The following NUMA1 variants were observed in gnomAD, a reference collection of about 807,000 sequenced individuals.
NUMA1 encodes the protein nuclear mitotic apparatus protein 1.
In NUMA1, 62 loss-of-function variants were observed where a neutral mutation model predicts 237.1. That is an observed-to-expected ratio of 0.26 (90% CI 0.21 to 0.32). NUMA1 has a LOEUF of 0.32. Among genes scored for constraint, NUMA1 ranks in the 10% least tolerant of loss-of-function variants. NUMA1 has a pLI of 1.00. For missense variants in NUMA1, 2,533 were observed against 2,666.5 expected (o/e 0.95, Z 1.10); for synonymous variants, 1,028 against 1,066.1 (o/e 0.96, Z 0.70).
rs368467123 is a variant in NUMA1, at chr11:72,061,352, T to C, written c.-33+8490A>G. 1.1e-4 allele frequency among the ~76,000 whole-genome samples: 16 copies of C among 152,236 alleles called. 1 individual carries two copies. Among genetic ancestry groups the C allele is most frequent in the South Asian group, 4.1e-4 (2 of 4,824 alleles). On this transcript the variant is annotated intron_variant, in intron 2 of 26. Coordinates refer to ENST00000393695, the MANE Select transcript of NUMA1 (RefSeq NM_006185.4). ...CATTTTCAAATAACTTTATATGCAG[T>C]ATAGGTCTGGTATATAATCCCAAAG...
At chr11:72,066,229 C>T (rs370535797) in intron 2 of NUMA1, 15 of 152,114 alleles carry the variant, frequency 9.9e-5, no homozygotes, top group African/African-American at 2.7e-4. Flanking sequence ...TCGCTTGAAC[C>T]CAGGAGGCGG....
chr11:72,003,471 A>C lies in NUMA1; in HGVS notation c.*56T>G. ...CACTGAGAGGGACAGTAGGCGGAGG[A>C]CCAGGTGAGGTCAGCATCGGGGACA... On this transcript the variant is annotated 3_prime_UTR_variant, in exon 27 of 27. Transcript: ENST00000393695. 7 of 1,561,650 alleles carry C rather than the reference A, an allele frequency of 4.5e-6. No individual in the cohort carries two copies. Among genetic ancestry groups the C allele is most frequent in the Non-Finnish European group, 6.2e-6 (7 of 1,131,936 alleles).
chr11:72,010,210 T>C (rs1447360760), intron 17 of NUMA1, among the ~76,000 whole-genome samples: 1 of 152,240 alleles, frequency 6.6e-6, no homozygotes, highest in Non-Finnish European at 1.5e-5. Flanking sequence ...TGAGTCCCAA[T>C]GCCACTGGTG....
Position 72,018,473 on chromosome 11 carries a change from T to C in NUMA1, c.783A>G (p.Leu261=), listed in dbSNP as rs1938226090. 1 of 1,614,192 alleles carries C rather than the reference T, an allele frequency of 6.2e-7. No homozygotes were observed. Among genetic ancestry groups the C allele is most frequent in the Non-Finnish European group, 8.5e-7 (1 of 1,180,034 alleles). ...IAMMQQRIDR[L]ALLNEKQAAS... Reference sequence around the variant, plus strand: ...CCGCCTGCTTCTCATTCAGCAGGGCTAGGCGGTCAATGCGCTGCTGCATCA... The same window carrying C: ...CCGCCTGCTTCTCATTCAGCAGGGCCAGGCGGTCAATGCGCTGCTGCATCA... The change falls in exon 11 of 27, where the codon CTA becomes CTG. Residue 261 remains leucine (L), a synonymous_variant. Transcript: ENST00000393695.
chr11:72,021,122 C>G (rs985449992), intron 8 of NUMA1, 82 bp downstream of exon 8: 2 of 1,148,434 alleles, frequency 1.7e-6, no homozygotes, highest in Non-Finnish European at 2.6e-6. Context: ...AGAAACAAAC[C>G]CCCACCATAC....
rs772533343 is a variant in NUMA1, at chr11:72,035,931, C to T, written c.13G>A (p.Ala5Thr). The T allele has an allele frequency of 2.7e-5, 43 of 1,613,934 alleles. No individual in the cohort carries two copies. The highest frequency in any genetic ancestry group is 1.6e-4 in the Middle Eastern group (1 of 6,068). MTLHATRGAALLSWV... is the reference protein window; with the variant it reads MTLHTTRGAALLSWV... ...GAGAGGAGTGCAGCCCCCCGGGTGG[C>T]GTGGAGTGTCATCTTGGTGATGCCA... The change falls in exon 3 of 27, where the codon GCC becomes ACC. Residue 5 changes from alanine (A) to threonine (T), a missense_variant. Physicochemically the swap from Ala to Thr is moderately conservative, Grantham distance 58 (BLOSUM62 0). This residue lies in a region of NUMA1 where 1,414 missense variants were observed against 1,508.1 expected (regional missense o/e 0.94). Coordinates refer to ENST00000393695, the MANE Select transcript of NUMA1 (RefSeq NM_006185.4).
chr11:72,012,586 C>G (rs1021681937), intron 15 of NUMA1, 144 bp from the exon 16 acceptor site: 3 of 833,040 alleles, frequency 3.6e-6, no homozygotes, highest in Admixed American at 2.3e-5. Flanking sequence ...GCCAGTTAGG[C>G]TGATTCTAAT....
At chr11:72,055,929 A>G (rs1942610840) in intron 2 of NUMA1, among the ~76,000 whole-genome samples, 1 of 151,448 alleles carries the variant, frequency 6.6e-6, no homozygotes, top group Non-Finnish European at 1.5e-5. Context: ...CAGCCTGACC[A>G]ACATGGTAAA....
Position 72,008,724 on chromosome 11 carries a change from A to G in NUMA1, c.5180T>C (p.Leu1727Pro), listed in dbSNP as rs1054552802. The G allele has an allele frequency of 9.9e-6, 16 of 1,614,070 alleles. No individual in the cohort carries two copies. The highest frequency in any genetic ancestry group is 1.3e-5 in the Non-Finnish European group (15 of 1,180,008). ...GAGTGGGGTCCCCTCCTCGCAGCTC[A>G]GATCCAGGCTGTCAATACTCAAGTC... ...QLDLSIDSLD[L>P]SCEEGTPLSI... The change falls in exon 20 of 27, where the codon CTG becomes CCG. Residue 1727 changes from leucine to proline, a missense_variant. Physicochemically the swap from Leu to Pro is moderately conservative, Grantham distance 98 (BLOSUM62 -3). Around this residue, in one of 3 missense-constraint regions of NUMA1, gnomAD observed 795 missense variants for 750.8 expected, o/e 1.06. Transcript: ENST00000393695.
intron 2 of NUMA1, among the ~76,000 whole-genome samples, chr11:72,055,805 C>T (rs865881955): frequency 1.3e-5 from 2 of 151,024 alleles, no homozygotes; most frequent in South Asian, 4.2e-4. Flanking sequence ...CAAAGCAAGA[C>T]CCCCATCTCT....
chr11:72,013,947 C>T lies in NUMA1; in HGVS notation c.3556G>A (p.Ala1186Thr). 1 of 1,613,866 alleles carries T rather than the reference C, an allele frequency of 6.2e-7. No homozygotes were observed. Among genetic ancestry groups the T allele is most frequent in the Non-Finnish European group, 8.5e-7 (1 of 1,180,028 alleles). The change falls in exon 15 of 27, where the codon GCC (alanine) becomes ACC (threonine). Residue 1186 changes from alanine (A) to threonine (T), a missense_variant. Ala to Thr is a moderately conservative substitution (Grantham distance 58, BLOSUM62 0). Around this residue, in one of 3 missense-constraint regions of NUMA1, gnomAD observed 1,414 missense variants for 1,508.1 expected, o/e 0.94. Coordinates refer to ENST00000393695, the MANE Select transcript of NUMA1 (RefSeq NM_006185.4). The surrounding 1 kb of genome is among the most constrained non-coding windows in gnomAD (Gnocchi z 6.8). ...QELGHSQSAL[A>T]SAQRELAAFR... ...GCAGCCAACTCCCGTTGGGCCGAGG[C>T]TAAGGCACTCTGACTGTGCCCTAGC...
At chr11:72,038,762 C>A (rs1941333549) in intron 2 of NUMA1, among the ~76,000 whole-genome samples, 1 of 152,004 alleles carries the variant, frequency 6.6e-6, no homozygotes, top group East Asian at 1.9e-4. Context: ...GAGATCCACC[C>A]CAGCTGGATC....
At chr11:72,019,031 C>G in intron 9 of NUMA1, 51 bp from the exon 10 acceptor site, 4 of 1,596,914 alleles carry the variant, frequency 2.5e-6, no homozygotes, top group Non-Finnish European at 3.4e-6. Flanking sequence ...AGATCTGAAG[C>G]AATCAGCAAC....
intron 4 of NUMA1, among the ~76,000 whole-genome samples, chr11:72,025,327 G>A (rs1399135575): frequency 1.3e-5 from 2 of 152,000 alleles, no homozygotes; most frequent in African/African-American, 2.4e-5. Context: ...CAGGAGAACT[G>A]CTTCAACCCA....
chr11:72,012,438 T>C lies in NUMA1; in HGVS notation c.4613A>G (p.Glu1538Gly). The change falls in exon 16 of 27, where the codon GAG (glutamate) becomes GGG (glycine). Residue 1538 changes from glutamate to glycine, a missense_variant. Physicochemically the swap from Glu to Gly is moderately conservative, Grantham distance 98. Transcript: ENST00000393695. The stretch of plus-strand genomic sequence containing the variant: ...CTCTCTCTGAAATACCTCTAGCTGC[T>C]CCACCTGTACATGGGGGAGGAGCAA... ...EERQKLTAQV[E>G]QLEVFQREQT... is the part of the protein sequence containing the mutation. 6.2e-7 allele frequency: 1 copy of C among 1,612,890 alleles called. No individual in the cohort carries two copies. The highest frequency in any genetic ancestry group is 8.5e-7 in the Non-Finnish European group (1 of 1,179,474).
chr11:72,008,566 G>A (rs151169399), intron 20 of NUMA1, 122 bp downstream of exon 20: 62 of 1,171,264 alleles, frequency 5.3e-5, no homozygotes, highest in Middle Eastern at 4.2e-4. Context: ...TATAATACCC[G>A]TTTTTCGTTA....
intron 5 of NUMA1, chr11:72,023,956 G>T: frequency 3.3e-6 from 1 of 302,962 alleles, no homozygotes; most frequent in Non-Finnish European, 6.2e-6. Context: ...TCTCTCTTCT[G>T]TCTCCTTGAA....
rs540042627 is a variant in NUMA1, at chr11:72,025,244, C to T, written c.129-891G>A. 8.5e-5 allele frequency among the ~76,000 whole-genome samples: 13 copies of T among 152,150 alleles called. No individual in the cohort carries two copies. In the South Asian group the frequency reaches 1.2e-3, roughly 15 times the overall value. ...GTCTGTACTTGCTTAACTGGAAGAG[C>T]GGGCAGTGTGAAGAGAGCCATGAGG... is the stretch of plus-strand genomic sequence containing the variant. On this transcript the variant is annotated intron_variant, in intron 4 of 26. Coordinates refer to ENST00000393695, the MANE Select transcript of NUMA1 (RefSeq NM_006185.4).
Position 72,013,409 on chromosome 11 carries a change from T to C in NUMA1, c.4094A>G (p.His1365Arg), listed in dbSNP as rs868146632. The stretch of plus-strand genomic sequence containing the variant: ...CTCGGCCTGCAGCTGCTGGCAGAGG[T>C]GCTTAGCTGGCAGCAGCTCACTCAC... ...ALVSELLPAK[H>R]LCQQLQAEQA... The change falls in exon 15 of 27, where the codon CAC (histidine) becomes CGC (arginine). Residue 1365 changes from histidine to arginine, a missense_variant. His to Arg is a conservative substitution (Grantham distance 29). Transcript: ENST00000393695. This position sits in a 1 kb window ranked among gnomAD's most constrained non-coding sequence, Gnocchi z 6.8. 6.2e-7 allele frequency: 1 copy of C among 1,612,526 alleles called. No homozygotes were observed. Among genetic ancestry groups the C allele is most frequent in the South Asian group, 1.1e-5 (1 of 91,006 alleles).
Sources: gnomAD v4.1 joint callset for allele counts (sites outside exome capture counted in the v4.1 genomes callset) on GRCh38, gnomAD v4.1.1 for gene constraint, gnomAD v4.1.1 regional missense constraint, Gnocchi (gnomAD v3.1) non-coding constraint, MANE v1.5 for transcripts, NCBI Gene and HGNC (gene_info 2026-07-23, HGNC 2026-07-21) for gene names.